MGAT4C: variants seen among roughly 807,000 people sequenced by gnomAD.
MGAT4C encodes alpha-1,3-mannosyl-glycoprotein 4-beta-N-acetylglucosaminyltransferase C.
MGAT4C carries 19 observed loss-of-function variants against 40.1 expected under a neutral mutation model. The ratio of observed to expected loss-of-function variants is 0.47; its 90% CI spans 0.33 to 0.70. The LOEUF is 0.70. Ranked by LOEUF, MGAT4C falls within the 30% of genes least tolerant of loss-of-function variation. The pLI is 0.02. For missense variants in MGAT4C, 491 were observed against 563.2 expected (o/e 0.87, Z 1.30); for synonymous variants, 181 against 187.1 (o/e 0.97, Z 0.27).
chr12:86,810,153 T>A (rs1292842092), intron 1 of MGAT4C, among the ~76,000 whole-genome samples: 1 of 152,056 alleles, frequency 6.6e-6, no homozygotes, highest in Non-Finnish European at 1.5e-5. Context: ...TCCATTAAAT[T>A]TCTGCATTTT....
At chr12:86,835,315 G>T (rs1953014884) in intron 1 of MGAT4C, among the ~76,000 whole-genome samples, 1 of 151,912 alleles carries the variant, frequency 6.6e-6, no homozygotes, top group African/African-American at 2.4e-5. Context: ...ACATCTGGCT[G>T]AATTTAACAT....
At chr12:86,453,082 A>C (rs1957454602) in intron 2 of MGAT4C, among the ~76,000 whole-genome samples, 1 of 152,156 alleles carries the variant, frequency 6.6e-6, no homozygotes, top group Non-Finnish European at 1.5e-5. Flanking sequence ...AAGTCTGAGA[A>C]AGTTATTTAA....
At chr12:86,086,220 T>C (rs915264519) in intron 1 of MGAT4C, among the ~76,000 whole-genome samples, 1 of 152,026 alleles carries the variant, frequency 6.6e-6, no homozygotes, top group African/African-American at 2.4e-5. Flanking sequence ...ATAAAAAGAA[T>C]GAGTTCATGT....
chr12:86,566,963 G>A (rs990403027), intron 2 of MGAT4C, among the ~76,000 whole-genome samples: 1 of 151,930 alleles, frequency 6.6e-6, no homozygotes, highest in Non-Finnish European at 1.5e-5. Context: ...GTGGGCTCAC[G>A]CTCATGGAAT....
At chr12:86,510,475 A>C (rs1002535565) in intron 2 of MGAT4C, among the ~76,000 whole-genome samples, 1 of 152,204 alleles carries the variant, frequency 6.6e-6, no homozygotes, top group African/African-American at 2.4e-5. Flanking sequence ...GACAGGATCA[A>C]ATTCACACAT....
chr12:86,824,996 T>C (rs1382116674), intron 1 of MGAT4C, among the ~76,000 whole-genome samples: 1 of 151,318 alleles, frequency 6.6e-6, no homozygotes, highest in Non-Finnish European at 1.5e-5. Flanking sequence ...TCATGAACTG[T>C]TTCTGATCTA....
rs141400873 is a variant in MGAT4C at position 86,639,021 on chromosome 12, A to T, written c.-229+88188T>A. On this transcript the variant is annotated intron_variant, in intron 2 of 7. Coordinates refer to the MGAT4C transcript ENST00000548651. ...ATATTTCTATCTATTGGTTTTGCAG[A>T]TATAAATATTATCTTGAAAAATAAC... Among the ~76,000 whole-genome samples the T allele has an allele frequency of 3.7e-4, 56 of 151,934 alleles. 1 individual carries two copies. The highest frequency in any genetic ancestry group is 1.3e-3 in the African/African-American group (55 of 41,536).
At chr12:86,706,527 G>A (rs945248270) in intron 2 of MGAT4C, among the ~76,000 whole-genome samples, 2 of 152,096 alleles carry the variant, frequency 1.3e-5, no homozygotes, top group African/African-American at 4.8e-5. Flanking sequence ...CAAAGGGCTA[G>A]GTTTACAGGC....
At chr12:86,641,233 A>G (rs11104018) in intron 2 of MGAT4C, among the ~76,000 whole-genome samples, 5,282 of 151,884 alleles carry the variant, frequency 0.035, 139 homozygotes, top group Non-Finnish European at 0.048. Flanking sequence ...CATGGATGAA[A>G]TTGGAAATAA....
At chr12:86,455,500 A>T (rs2136290675) in intron 2 of MGAT4C, among the ~76,000 whole-genome samples, 1 of 152,238 alleles carries the variant, frequency 6.6e-6, no homozygotes, top group South Asian at 2.1e-4. Context: ...TACAGAAATT[A>T]AAAATAATTT....
intron 1 of MGAT4C, among the ~76,000 whole-genome samples, chr12:86,161,586 C>T (rs1290415622): frequency 2.0e-5 from 3 of 152,102 alleles, no homozygotes; most frequent in African/African-American, 7.2e-5. Flanking sequence ...CTCTTCTTGA[C>T]ACTGGCCTTG....
chr12:86,207,111 C>CCT (rs1566145689), intron 1 of MGAT4C, among the ~76,000 whole-genome samples: 2 of 148,098 alleles, frequency 1.4e-5, no homozygotes, highest in African/African-American at 5.0e-5. Flanking sequence ...CCTTTTTTTT[C>CCT]TTTTTTTTTT....
intron 4 of MGAT4C, among the ~76,000 whole-genome samples, chr12:86,268,425 G>GA (rs1952843310): frequency 6.6e-6 from 1 of 151,582 alleles, no homozygotes; most frequent in African/African-American, 2.4e-5. Flanking sequence ...TAAAAACATT[G>GA]AAAAATACAT....
rs1222281281 is a variant in MGAT4C at position 85,975,674 on chromosome 12, G to C, written c.*3615C>G. The C allele has an allele frequency of 2.0e-5, 3 of 150,780 alleles. No individual in the cohort carries two copies. The highest frequency in any genetic ancestry group is 7.3e-5 in the African/African-American group (3 of 41,304). 9.3% of individuals were successfully genotyped at this position (150,780 alleles called of 1,614,324 possible). A position where few individuals can be genotyped will look rare whatever the true frequency, so the allele number is the denominator to read the frequency against. ...GAATGACAGAAGCAAGATCTAGAAA[G>C]TTTGGGATCATGAATCAAAAGAAAC... On this transcript the variant is annotated 3_prime_UTR_variant, in exon 5 of 5. Coordinates refer to ENST00000611864, the MANE Select transcript of MGAT4C (RefSeq NM_001351288.2).
intron 2 of MGAT4C, among the ~76,000 whole-genome samples, chr12:86,654,484 T>C (rs536117206): frequency 3.9e-5 from 6 of 152,042 alleles, no homozygotes; most frequent in Non-Finnish European, 7.4e-5. Context: ...AAGTTTTACT[T>C]CAAAACATCA....
rs80220023 is a variant in MGAT4C at position 86,224,478 on chromosome 12, T to C, written c.-57+31761A>G. Among the ~76,000 whole-genome samples, 38 of 152,304 alleles carry C rather than the reference T, an allele frequency of 2.5e-4. 1 individual carries two copies. The East Asian group carries it at 6.9e-3, about 28-fold the overall frequency. ...TGTAATTGACATTTAGAAAACATTC[T>C]ATCCCAAAACTGCAGAATATACAGT... On this transcript the variant is annotated intron_variant, in intron 1 of 4. Coordinates refer to ENST00000611864, the MANE Select transcript of MGAT4C (RefSeq NM_001351288.2).
At chr12:86,050,636 C>T (rs771079901) in intron 1 of MGAT4C, among the ~76,000 whole-genome samples, 5 of 151,954 alleles carry the variant, frequency 3.3e-5, no homozygotes, top group Non-Finnish European at 5.9e-5. Flanking sequence ...GCACAGATTC[C>T]TCCAGCTCTC....
intron 2 of MGAT4C, among the ~76,000 whole-genome samples, chr12:86,489,140 G>A (rs1958080524): frequency 6.6e-6 from 1 of 152,128 alleles, no homozygotes; most frequent in African/African-American, 2.4e-5. Context: ...GCAGAGGACA[G>A]AAGCAGCTGG....
chr12:86,156,257 T>G (rs1179527975), intron 1 of MGAT4C, among the ~76,000 whole-genome samples: 1 of 152,204 alleles, frequency 6.6e-6, no homozygotes, highest in Non-Finnish European at 1.5e-5. Flanking sequence ...TAAATAGATA[T>G]GAAGGTTAAC....
Sources: allele counts gnomAD v4.1 joint callset (sites outside exome capture counted in the v4.1 genomes callset), GRCh38; gene constraint gnomAD v4.1.1; transcripts MANE v1.5; gene names NCBI Gene and HGNC (gene_info 2026-07-23, HGNC 2026-07-21).